The following NEFM variants were observed in gnomAD, a reference collection of about 807,000 sequenced individuals.
NEFM encodes neurofilament medium chain.
In NEFM, 16 loss-of-function variants were observed where a neutral mutation model predicts 48.1. That is an observed-to-expected ratio of 0.33 (90% CI 0.23 to 0.51). The LOEUF is 0.51. NEFM is among the 20% of genes least tolerant of loss of function. The pLI, the probability that NEFM is intolerant of heterozygous loss-of-function variation, is 0.98. For synonymous variants in NEFM, 465 were observed against 456.9 expected (o/e 1.02, Z -0.23); for missense variants, 1,107 against 1,136.0 (o/e 0.97, Z 0.37).
At position 24,917,350 on chromosome 8, in the gene NEFM, C is replaced by A; in HGVS notation, c.1495C>A (p.Pro499Thr). 1 of 1,607,244 alleles carries A rather than the reference C, an allele frequency of 6.2e-7. No homozygotes were observed. Reference sequence around the variant, plus strand: ...AGCAGCAGAAGAAAAGGAAGAGGAACCCGAAGCTGAAGAAGAAGAAGTAGC... The same window carrying A: ...AGCAGCAGAAGAAAAGGAAGAGGAAACCGAAGCTGAAGAAGAAGAAGTAGC... Reference protein sequence around the residue: ...KEAAEEKEEEPEAEEEEVAAK... With the variant: ...KEAAEEKEEETEAEEEEVAAK... Residue 499 changes from proline (P) to threonine (T), a missense_variant, in exon 3 of 3, where the codon CCC becomes ACC. Around this residue, in one of 3 missense-constraint regions of NEFM, gnomAD observed 917 missense variants for 916.4 expected, o/e 1.00. Transcript: ENST00000221166.
rs1206148740 is a variant in NEFM at position 24,919,016 on chromosome 8, C to A, written c.*410C>A. On this transcript the variant is annotated 3_prime_UTR_variant, in exon 3 of 3. Transcript: ENST00000221166. ...TTCATGGGAGAACCTCGTTGACATG[C>A]ACAGTTTGCAATCTTATGTTGATCG... is the stretch of plus-strand genomic sequence containing the variant. 1.7e-5 allele frequency: 4 copies of A among 241,836 alleles called. No homozygotes were observed. Among genetic ancestry groups the A allele is most frequent in the African/African-American group, 6.8e-5 (3 of 44,128 alleles). The allele number at this position is 241,836 out of a possible 1,614,324, so 15.0% of individuals were successfully genotyped here.
intron 2 of NEFM, among the ~76,000 whole-genome samples, chr8:24,916,480 G>C (rs1342725433): frequency 6.6e-6 from 1 of 152,178 alleles, no homozygotes; most frequent in Admixed American, 6.5e-5. Context: ...CAATAAGGTA[G>C]TTATAATATA....
At position 24,914,007 on chromosome 8, in the gene NEFM, G is replaced by A. The variant is rs760618216; in HGVS notation, c.214G>A (p.Glu72Lys). 1.2e-6 allele frequency: 2 copies of A among 1,611,836 alleles called. No individual in the cohort carries two copies. Among genetic ancestry groups the A allele is most frequent in the Non-Finnish European group, 1.7e-6 (2 of 1,179,942 alleles). The change falls in exon 1 of 3, where the codon GAG (glutamate) becomes AAG (lysine). Residue 72 changes from glutamate to lysine, a missense_variant. Around this residue, in one of 3 missense-constraint regions of NEFM, gnomAD observed 186 missense variants for 200.6 expected, o/e 0.93. Transcript: ENST00000221166. ...AYSSAMLSSA[E>K]SSLDFSQSSS... is the part of the protein sequence containing the mutation. ...CAGCTCGGCCATGCTCAGCTCCGCC[G>A]AGAGCAGCCTTGACTTCAGCCAGTC...
chr8:24,916,600 C>T (rs1003403855), intron 2 of NEFM, among the ~76,000 whole-genome samples: 2 of 152,174 alleles, frequency 1.3e-5, no homozygotes, highest in African/African-American at 4.8e-5. Context: ...TAACTCGATA[C>T]ACCTGAAAAT....
At position 24,917,900 on chromosome 8, in the gene NEFM, T is replaced by C. The variant is rs1802604326; in HGVS notation, c.2045T>C (p.Val682Ala). The change falls in exon 3 of 3, where the codon GTG becomes GCG. Residue 682 changes from valine (V) to alanine (A), a missense_variant. Physicochemically the swap from Val to Ala is moderately conservative, Grantham distance 64. This residue lies in a region of NEFM where 917 missense variants were observed against 916.4 expected (regional missense o/e 1.00). Coordinates refer to ENST00000221166, the MANE Select transcript of NEFM (RefSeq NM_005382.2). Reference sequence around the variant, plus strand: ...GTGGAAGAGAAAGCCAAATCTCCTGTGCCAAAATCACCAGTGGAAGAGGCA... The same window carrying C: ...GTGGAAGAGAAAGCCAAATCTCCTGCGCCAAAATCACCAGTGGAAGAGGCA... The part of the protein sequence containing the change: ...SPVEEKAKSP[V>A]PKSPVEEAKS... 1 of 1,613,928 alleles carries C rather than the reference T, an allele frequency of 6.2e-7. No individual in the cohort carries two copies. Among genetic ancestry groups the C allele is most frequent in the Non-Finnish European group, 8.5e-7 (1 of 1,180,008 alleles).
chr8:24,915,787 G>T, intron 2 of NEFM, 58 bp downstream of exon 2: 2 of 1,612,150 alleles, frequency 1.2e-6, no homozygotes, highest in Non-Finnish European at 1.7e-6. Context: ...AGGCTGTTCC[G>T]GCAGAGCTTC....
At position 24,914,787 on chromosome 8, in the gene NEFM, G is replaced by T. The variant is rs541061828; in HGVS notation, c.994G>T (p.Glu332Ter). Reference protein sequence around the residue: ...RQLQSKSIELESVRGTKESLE... With the variant: ...RQLQSKSIEL The stretch of plus-strand genomic sequence containing the variant: ...GCTGCAGTCCAAGAGCATCGAGCTA[G>T]AGTCGGTGCGCGGCACCAAGGAGTC... The change falls in exon 1 of 3, where the codon GAG (glutamate) becomes TAG (stop). Residue 332 changes from glutamate (E) to a stop codon, truncating the protein, a stop_gained. Transcript: ENST00000221166. LOFTEE classifies it high-confidence loss of function. 6.2e-7 allele frequency: 1 copy of T among 1,608,460 alleles called. No individual in the cohort carries two copies. Among genetic ancestry groups the T allele is most frequent in the Non-Finnish European group, 8.5e-7 (1 of 1,177,880 alleles).
rs1802606151 is a variant in NEFM at position 24,917,977 on chromosome 8, G to A, written c.2122G>A (p.Glu708Lys). 3.1e-6 allele frequency: 5 copies of A among 1,611,032 alleles called. No homozygotes were observed. Among genetic ancestry groups the A allele is most frequent in the Non-Finnish European group, 3.4e-6 (4 of 1,178,386 alleles). Residue 708 changes from glutamate to lysine, a missense_variant, in exon 3 of 3, where the codon GAA becomes AAA. By Grantham distance (56) the Glu-to-Lys change is moderately conservative (BLOSUM62 1). Around this residue, in one of 3 missense-constraint regions of NEFM, gnomAD observed 917 missense variants for 916.4 expected, o/e 1.00. Transcript: ENST00000221166. ...KGEQKEEEEKEVKEAPKEEKV... is the reference protein window; with the variant it reads ...KGEQKEEEEKKVKEAPKEEKV... ...TGAACAGAAAGAGGAAGAAGAAAAGGAAGTCAAGGAAGCTCCCAAGGAAGA... is the reference window on the plus strand; with the variant it reads ...TGAACAGAAAGAGGAAGAAGAAAAGAAAGTCAAGGAAGCTCCCAAGGAAGA...
rs1009139898 is a variant in NEFM at position 24,918,093 on chromosome 8, G to T, written c.2238G>T (p.Val746=). ...TAAAGGAGGAAGCTGTGGCAGAGGT[G>T]GTCACCATCACCAAATCGGTAAAGG... The part of the protein sequence containing the change: ...SPVKEEAVAE[V]VTITKSVKVH... Residue 746 remains valine (V), a synonymous_variant, in exon 3 of 3, where the codon GTG becomes GTT. Coordinates refer to ENST00000221166, the MANE Select transcript of NEFM (RefSeq NM_005382.2). The T allele has an allele frequency of 1.2e-5, 19 of 1,551,922 alleles. No homozygotes were observed. Among genetic ancestry groups the T allele is most frequent in the Admixed American group, 2.0e-5 (1 of 50,996 alleles).
At position 24,917,535 on chromosome 8, in the gene NEFM, A is replaced by T. The variant is rs1369180502; in HGVS notation, c.1680A>T (p.Glu560Asp). The change falls in exon 3 of 3, where the codon GAA becomes GAT. Residue 560 changes from glutamate to aspartate, a missense_variant. This residue lies in a region of NEFM where 917 missense variants were observed against 916.4 expected (regional missense o/e 1.00). Transcript: ENST00000221166. ...EGGSEKEGSSEKEEGEQEEGE... is the reference protein window; with the variant it reads ...EGGSEKEGSSDKEEGEQEEGE... The stretch of plus-strand genomic sequence containing the variant: ...GATCCGAGAAGGAAGGCTCTAGTGA[A>T]AAAGAGGAAGGTGAGCAGGAAGAAG... 3 of 1,560,112 alleles carry T rather than the reference A, an allele frequency of 1.9e-6. No individual in the cohort carries two copies. In the Admixed American group the frequency reaches 5.8e-5, roughly 30 times the overall value.
chr8:24,917,687 A>C lies in NEFM; in HGVS notation c.1832A>C (p.Glu611Ala). The change falls in exon 3 of 3, where the codon GAA (glutamate) becomes GCA (alanine). Residue 611 changes from glutamate to alanine, a missense_variant. Coordinates refer to ENST00000221166, the MANE Select transcript of NEFM (RefSeq NM_005382.2). ...LVADAKVEKP[E>A]KAKSPVPKSP... is the part of the protein sequence containing the mutation. ...GCAGATGCCAAGGTGGAAAAGCCAG[A>C]AAAAGCCAAGTCTCCTGTGCCAAAA... The C allele has an allele frequency of 6.2e-7, 1 of 1,613,570 alleles. No homozygotes were observed. The highest frequency in any genetic ancestry group is 8.5e-7 in the Non-Finnish European group (1 of 1,180,018).
At chr8:24,915,443 GA>G in intron 1 of NEFM, 161 bp from the exon 2 acceptor site, 4 of 1,057,030 alleles carry the variant, frequency 3.8e-6, no homozygotes, top group Middle Eastern at 2.9e-4. Context: ...AGATTTAAAA[GA>G]AAAAGGGGGT....
At chr8:24,916,914 G>A (rs1802582176) in intron 2 of NEFM, 147 bp from the exon 3 acceptor site, 1 of 757,448 alleles carries the variant, frequency 1.3e-6, no homozygotes, top group East Asian at 2.5e-5. Flanking sequence ...GTAAGTGATA[G>A]CAGGTATTAT....
chr8:24,913,965 G>C lies in NEFM; in HGVS notation c.172G>C (p.Ala58Pro), dbSNP rs376739149. The C allele has an allele frequency of 1.2e-6, 2 of 1,607,014 alleles. No individual in the cohort carries two copies. Among genetic ancestry groups the C allele is most frequent in the East Asian group, 4.5e-5 (2 of 44,828 alleles). ...CTCCTCCTATAAGCGCAGCATGCTCGCCCCGCGCCTCGCTTACAGCTCGGC... is the reference window on the plus strand; with the variant it reads ...CTCCTCCTATAAGCGCAGCATGCTCCCCCCGCGCCTCGCTTACAGCTCGGC... ...VSSSYKRSML[A>P]PRLAYSSAML... The change falls in exon 1 of 3, where the codon GCC becomes CCC. Residue 58 changes from alanine (A) to proline (P), a missense_variant. Ala to Pro is a conservative substitution (Grantham distance 27). Around this residue, in one of 3 missense-constraint regions of NEFM, gnomAD observed 186 missense variants for 200.6 expected, o/e 0.93. Coordinates refer to ENST00000221166, the MANE Select transcript of NEFM (RefSeq NM_005382.2).
At chr8:24,915,383 G>C in intron 1 of NEFM, 1 of 1,076,556 alleles carries the variant, frequency 9.3e-7, no homozygotes, top group Non-Finnish European at 1.3e-6. Context: ...ATGTGCCCAG[G>C]AAGTGTCCTA....
In NEFM at chr8:24,918,835, T is replaced by C; in HGVS notation, c.*229T>C. ...GGAAATTTGCCGATTTCCTAAGCTG[T>C]TGGAAGGGGGTCACTTAAGGGGGGA... On this transcript the variant is annotated 3_prime_UTR_variant, in exon 3 of 3. Coordinates refer to ENST00000221166, the MANE Select transcript of NEFM (RefSeq NM_005382.2). 4.0e-6 allele frequency: 2 copies of C among 495,020 alleles called. No homozygotes were observed. The allele number at this position is 495,020 out of a possible 1,614,324, so 30.7% of individuals were successfully genotyped here. A position where few individuals can be genotyped will look rare whatever the true frequency, so the allele number is the denominator to read the frequency against.
rs60857059 is a variant in NEFM at position 24,913,897 on chromosome 8, T to A, written c.104T>A (p.Phe35Tyr). The A allele has an allele frequency of 3.8e-4, 619 of 1,610,924 alleles. No individual in the cohort carries two copies. The highest frequency in any genetic ancestry group is 5.0e-4 in the Non-Finnish European group (591 of 1,179,074). Residue 35 changes from phenylalanine to tyrosine, a missense_variant, in exon 1 of 3, where the codon TTC (phenylalanine) becomes TAC (tyrosine). Coordinates refer to ENST00000221166, the MANE Select transcript of NEFM (RefSeq NM_005382.2). The stretch of plus-strand genomic sequence containing the variant: ...GTCAGCGGCTCCCCGTCCAGTGGCT[T>A]CCGCTCGCAGTCGTGGTCCCGCGGC... The part of the protein sequence containing the change: ...SRVSGSPSSG[F>Y]RSQSWSRGSP...
Position 24,918,652 on chromosome 8 carries a change from A to G in NEFM, c.*46A>G, listed in dbSNP as rs1230775199. 1.5e-6 allele frequency: 2 copies of G among 1,369,048 alleles called. No homozygotes were observed. Among genetic ancestry groups the G allele is most frequent in the Non-Finnish European group, 2.1e-6 (2 of 965,314 alleles). The allele number at this position is 1,369,048 out of a possible 1,614,324, so 84.8% of individuals were successfully genotyped here. A position where few individuals can be genotyped will look rare whatever the true frequency, so the allele number is the denominator to read the frequency against. Reference sequence around the variant, plus strand: ...GGTTAAGCCATATGACAATTTCAAAATGCATGTGATTGGCAGCTTCAAAAC... The same window carrying G: ...GGTTAAGCCATATGACAATTTCAAAGTGCATGTGATTGGCAGCTTCAAAAC... On this transcript the variant is annotated 3_prime_UTR_variant, in exon 3 of 3. Coordinates refer to ENST00000221166, the MANE Select transcript of NEFM (RefSeq NM_005382.2).
intron 1 of NEFM, 88 bp downstream of exon 1, chr8:24,914,961 G>T (rs1586107080): frequency 6.9e-7 from 1 of 1,443,992 alleles, no homozygotes; most frequent in Non-Finnish European, 9.0e-7. Flanking sequence ...CGCCCTCTCC[G>T]CCGCGCTCCC....
Sources: gnomAD v4.1 joint callset for allele counts (sites outside exome capture counted in the v4.1 genomes callset) on GRCh38, gnomAD v4.1.1 for gene constraint, gnomAD v4.1.1 regional missense constraint, MANE v1.5 for transcripts, NCBI Gene and HGNC (gene_info 2026-07-23, HGNC 2026-07-21) for gene names.